ZNF469: variants seen among roughly 807,000 people sequenced by gnomAD.
The protein encoded by ZNF469 is zinc finger protein 469.
In ZNF469, 1 loss-of-function variant was observed where a neutral mutation model predicts 1.0. The observed-to-expected ratio is 1.00, with a 90% CI of 0.35 to 4.73. The LOEUF is 4.73. Among genes scored for constraint, ZNF469 ranks in the 30% most tolerant of loss-of-function variants. The pLI is 0.16. For missense variants in ZNF469, 6,100 were observed against 5,356.3 expected, an observed-to-expected ratio of 1.14 and a Z score of -4.33; for synonymous variants, 2,703 against 2,363.4, an observed-to-expected ratio of 1.14 and a Z score of -4.17.
the ZNF469 span, among the ~76,000 whole-genome samples, chr16:88,130,766 AC>A: frequency 6.6e-6 from 1 of 150,996 alleles, no homozygotes; most frequent in Non-Finnish European, 1.5e-5. Context: ...CCTCCCACGC[AC>A]TCAGTGGTTC....
chr16:88,269,954 CAG>C, the ZNF469 span, among the ~76,000 whole-genome samples: 1 of 152,074 alleles, frequency 6.6e-6, no homozygotes, highest in South Asian at 2.1e-4. Flanking sequence ...TCCTTTAGAG[CAG>C]AGTGTTTTCT....
chr16:88,408,063 C>G (rs976882356), intron 1 of ZNF469, among the ~76,000 whole-genome samples: 4 of 152,244 alleles, frequency 2.6e-5, no homozygotes, highest in African/African-American at 7.2e-5. Flanking sequence ...GCTTAGACTT[C>G]CTGTAAGCTT....
the ZNF469 span, among the ~76,000 whole-genome samples, chr16:88,307,131 C>G: frequency 6.6e-6 from 1 of 152,232 alleles, no homozygotes; most frequent in Non-Finnish European, 1.5e-5. Flanking sequence ...GTGTCTTTTA[C>G]TCAGCATGAT....
chr16:88,342,544 T>A, the ZNF469 span, among the ~76,000 whole-genome samples: 3 of 152,144 alleles, frequency 2.0e-5, no homozygotes, highest in African/African-American at 7.2e-5. Flanking sequence ...AGGTAGGACA[T>A]CACTGCCCCA....
At chr16:88,373,220 A>G in the ZNF469 span, among the ~76,000 whole-genome samples, 100,295 of 152,114 alleles carry the variant, frequency 0.66, 34,641 homozygotes, top group Non-Finnish European at 0.78. Flanking sequence ...AAGTCACCCA[A>G]CTGGCAACTG....
chr16:88,222,171 C>T, the ZNF469 span, among the ~76,000 whole-genome samples: 2 of 152,204 alleles, frequency 1.3e-5, no homozygotes, highest in African/African-American at 2.4e-5. Context: ...CCTTATCTCA[C>T]GTTCTGTGTG....
At chr16:88,169,375 C>T in the ZNF469 span, among the ~76,000 whole-genome samples, 3 of 152,182 alleles carry the variant, frequency 2.0e-5, no homozygotes, top group African/African-American at 4.8e-5. The surrounding 1 kb of genome is among the most constrained non-coding windows in gnomAD (Gnocchi z 6.1). Context: ...CTCCCTTGTG[C>T]CCTGGGAGTC....
chr16:88,134,014 GA>G, the ZNF469 span, among the ~76,000 whole-genome samples: 2 of 152,178 alleles, frequency 1.3e-5, no homozygotes, highest in Admixed American at 6.5e-5. Context: ...ACAATCAATA[GA>G]ACCCCCCCGG....
the ZNF469 span, among the ~76,000 whole-genome samples, chr16:88,279,778 G>T: frequency 6.7e-6 from 1 of 148,940 alleles, no homozygotes; most frequent in African/African-American, 2.5e-5. Context: ...TCAGTGCACA[G>T]TTAGTGCTGT....
the ZNF469 span, among the ~76,000 whole-genome samples, chr16:88,205,680 C>T: frequency 1.3e-5 from 2 of 152,324 alleles, no homozygotes; most frequent in South Asian, 4.1e-4. The surrounding 1 kb of genome is among the most constrained non-coding windows in gnomAD (Gnocchi z 4.2). Flanking sequence ...GAACCGGCTC[C>T]CAAACCCCGC....
chr16:88,174,731 T>C, the ZNF469 span, among the ~76,000 whole-genome samples: 2 of 150,450 alleles, frequency 1.3e-5, no homozygotes, highest in African/African-American at 2.5e-5. Context: ...TTCTCTTCCT[T>C]ATGGTTATAA....
intron 1 of ZNF469, among the ~76,000 whole-genome samples, chr16:88,397,047 C>CCCTCATGAAGGG (rs1904703852): frequency 1.3e-5 from 1 of 75,606 alleles, no homozygotes; most frequent in Non-Finnish European, 3.0e-5. Context: ...CTCATGAAGA[C>CCCTCATGAAGGG]AGGCCGGGAG....
the ZNF469 span, among the ~76,000 whole-genome samples, chr16:88,310,647 A>G: frequency 6.6e-6 from 1 of 151,266 alleles, no homozygotes; most frequent in African/African-American, 2.4e-5. Flanking sequence ...CAGCAGCGCG[A>G]TCTCGGCTCA....
the ZNF469 span, among the ~76,000 whole-genome samples, chr16:88,267,279 G>A: frequency 6.6e-6 from 1 of 152,194 alleles, no homozygotes; most frequent in Non-Finnish European, 1.5e-5. Flanking sequence ...TCACCACATC[G>A]ATTCTTTCCC....
At chr16:88,293,306 A>G in the ZNF469 span, among the ~76,000 whole-genome samples, 1 of 141,460 alleles carries the variant, frequency 7.1e-6, no homozygotes, top group African/African-American at 2.8e-5. Flanking sequence ...GAATGGATGG[A>G]TGGGTAATTG....
intron 1 of ZNF469, among the ~76,000 whole-genome samples, chr16:88,400,761 T>C (rs1904831120): frequency 6.6e-6 from 1 of 152,002 alleles, no homozygotes; most frequent in Non-Finnish European, 1.5e-5. Flanking sequence ...ACAGTCTATC[T>C]CTGGGCAGGT....
chr16:88,351,188 C>G, the ZNF469 span, among the ~76,000 whole-genome samples: 11 of 152,342 alleles, frequency 7.2e-5, no homozygotes, highest in South Asian at 8.3e-4. Flanking sequence ...TCGGCACACA[C>G]CCGGCCCTCG....
At chr16:88,111,049 T>G in the ZNF469 span, among the ~76,000 whole-genome samples, 6 of 152,216 alleles carry the variant, frequency 3.9e-5, no homozygotes, top group Non-Finnish European at 7.4e-5. Context: ...GAAGGCCCCT[T>G]GCTTTTCTTC....
the ZNF469 span, among the ~76,000 whole-genome samples, chr16:88,207,426 C>A: frequency 2.3e-3 from 47 of 20,502 alleles, 19 homozygotes; most frequent in African/African-American, 4.3e-3. Context: ...GCGGGGACAG[C>A]GGGGAGCTGA....
Sources: gnomAD v4.1 joint callset for allele counts (sites outside exome capture counted in the v4.1 genomes callset) on GRCh38, gnomAD v4.1.1 for gene constraint, Gnocchi (gnomAD v3.1) non-coding constraint, MANE v1.5 for transcripts, NCBI Gene and HGNC (gene_info 2026-07-23, HGNC 2026-07-21) for gene names.